HMGB1: variants seen among roughly 807,000 people sequenced by gnomAD.
HMGB1 encodes the protein high mobility group protein B1.
For synonymous variants in HMGB1, 81 were observed against 84.0 expected (o/e 0.96, Z 0.19); for missense variants, 79 against 253.5 (o/e 0.31, Z 4.67).
chr13:30,538,498 C>CTTTA (rs1229120069), intron 1 of HMGB1, among the ~76,000 whole-genome samples: 18 of 15,840 alleles, frequency 1.1e-3, no homozygotes, highest in Admixed American at 2.1e-3. Flanking sequence ...TTCTTTCTTT[C>CTTTA]TTTCTTTCTT....
At chr13:30,532,480 T>C (rs1039894730) in intron 1 of HMGB1, among the ~76,000 whole-genome samples, 2 of 152,146 alleles carry the variant, frequency 1.3e-5, no homozygotes, top group African/African-American at 4.8e-5. Flanking sequence ...TATTGCTATG[T>C]CATAATTAAA....
In HMGB1 at chr13:30,537,636, T is replaced by G. The variant is rs891125837; in HGVS notation, c.-14-73942A>C. ...CCCACGTCGCTGCATGTGGTGGCAA[T>G]TCATTCATTCTTGTTCATATATATA... On this transcript the variant is annotated intron_variant, in intron 1 of 4. Coordinates refer to the HMGB1 transcript ENST00000405805. 2.3e-4 allele frequency among the ~76,000 whole-genome samples: 32 copies of G among 138,322 alleles called. 3 individuals carry two copies. In the South Asian group the frequency reaches 7.0e-3, roughly 30 times the overall value. The allele number at this position is 138,322 out of a possible 152,430, so 90.7% of individuals were successfully genotyped here. A position where few individuals can be genotyped will look rare whatever the true frequency, so the allele number is the denominator to read the frequency against.
chr13:30,594,461 C>G (rs917086724), intron 1 of HMGB1, among the ~76,000 whole-genome samples: 1 of 152,198 alleles, frequency 6.6e-6, no homozygotes, highest in Admixed American at 6.5e-5. Context: ...CTCCCACTTA[C>G]AAGTGAGAGC....
intron 1 of HMGB1, among the ~76,000 whole-genome samples, chr13:30,580,680 G>T (rs958763168): frequency 2.6e-5 from 4 of 152,078 alleles, no homozygotes; most frequent in Admixed American, 1.3e-4. Flanking sequence ...AAGGATATTC[G>T]CAGGAGACAA....
Position 30,461,992 on chromosome 13 carries a change from AAC to A in HMGB1, c.472-461_472-460del, listed in dbSNP as rs1377978043. Among the ~76,000 whole-genome samples the A allele has an allele frequency of 6.6e-5, 10 of 152,334 alleles. 1 individual carries two copies. The South Asian group carries it at 1.9e-3, about 28-fold the overall frequency. On this transcript the variant is annotated intron_variant, in intron 4 of 4. Coordinates refer to ENST00000341423, the MANE Select transcript of HMGB1 (RefSeq NM_002128.7). ...TTAGGTTAAGAAACATCTAGAAATA[AAC>A]ACTTTTCAGAATGACTAAAGCTGAA...
intron 1 of HMGB1, among the ~76,000 whole-genome samples, chr13:30,555,047 T>G (rs975292824): frequency 7.2e-6 from 1 of 138,670 alleles, no homozygotes; most frequent in Non-Finnish European, 1.6e-5. Flanking sequence ...TTTTTTTTTT[T>G]TTTTTTTTTT....
Position 30,511,851 on chromosome 13 carries a change from T to A in HMGB1, c.-14-48157A>T, listed in dbSNP as rs569625393. Among the ~76,000 whole-genome samples the A allele has an allele frequency of 8.5e-5, 13 of 152,260 alleles. No individual in the cohort carries two copies. In the East Asian group the frequency reaches 2.5e-3, roughly 29 times the overall value. On this transcript the variant is annotated intron_variant, in intron 1 of 4. Coordinates refer to the HMGB1 transcript ENST00000405805. ...ACACACCTCTAGAGGTTCCCTACTA[T>A]TCAGAGGACAAGTCATAATCTCCTT...
At chr13:30,579,777 T>C (rs1486776335) in intron 1 of HMGB1, among the ~76,000 whole-genome samples, 2 of 152,264 alleles carry the variant, frequency 1.3e-5, no homozygotes, top group African/African-American at 2.4e-5. Context: ...ACCTGGCACA[T>C]AAGAGAGTTA....
chr13:30,483,570 T>A (rs1234993205), intron 1 of HMGB1, among the ~76,000 whole-genome samples: 1 of 151,672 alleles, frequency 6.6e-6, no homozygotes, highest in Admixed American at 6.6e-5. Flanking sequence ...TCTGCTTAAA[T>A]AATTCCTGCA....
chr13:30,562,559 T>C (rs1420973687), intron 1 of HMGB1, among the ~76,000 whole-genome samples: 1 of 152,222 alleles, frequency 6.6e-6, no homozygotes, highest in Non-Finnish European at 1.5e-5. Context: ...CAGAAGTTTA[T>C]ATAGTGACAA....
rs189877794 is a variant in HMGB1 at position 30,585,987 on chromosome 13, A to T, written c.-15+30684T>A. 2.4e-3 allele frequency among the ~76,000 whole-genome samples: 369 copies of T among 152,222 alleles called. 2 individuals carry two copies. Among genetic ancestry groups the T allele is most frequent in the Non-Finnish European group, 4.1e-3 (277 of 68,008 alleles). On this transcript the variant is annotated intron_variant, in intron 1 of 4. Transcript: ENST00000405805. Reference sequence around the variant, plus strand: ...CTGGCATCGGTTCTCAGTACTCTCCACTAAAACTGCTTTTATGAAGGCCAT... The same window carrying T: ...CTGGCATCGGTTCTCAGTACTCTCCTCTAAAACTGCTTTTATGAAGGCCAT...
At chr13:30,522,976 A>G (rs2137476694) in intron 1 of HMGB1, among the ~76,000 whole-genome samples, 1 of 152,324 alleles carries the variant, frequency 6.6e-6, no homozygotes. Context: ...GGCCTCCCAA[A>G]GTGTTGGGAT....
chr13:30,536,887 C>G (rs1050013633), intron 1 of HMGB1, among the ~76,000 whole-genome samples: 32 of 152,144 alleles, frequency 2.1e-4, no homozygotes, highest in South Asian at 1.5e-3. Context: ...TGGCAGCATC[C>G]TCGATCCTGC....
At chr13:30,558,882 C>T (rs1202711428) in intron 1 of HMGB1, among the ~76,000 whole-genome samples, 1 of 152,146 alleles carries the variant, frequency 6.6e-6, no homozygotes, top group Non-Finnish European at 1.5e-5. Context: ...TTTCACAAGC[C>T]TCCAAGGGAT....
upstream of HMGB1, among the ~76,000 whole-genome samples, chr13:30,467,720 A>G (rs955229736): frequency 3.3e-5 from 5 of 152,234 alleles, no homozygotes; most frequent in Non-Finnish European, 7.3e-5. Flanking sequence ...CTCATATTAC[A>G]AAATATTCAT....
intron 1 of HMGB1, among the ~76,000 whole-genome samples, chr13:30,487,813 T>C (rs1273280635): frequency 6.6e-6 from 1 of 152,212 alleles, no homozygotes; most frequent in African/African-American, 2.4e-5. Flanking sequence ...CACCAGCTAC[T>C]ATGGCAGGGA....
chr13:30,523,754 T>C (rs77468454), intron 1 of HMGB1, among the ~76,000 whole-genome samples: 1 of 34,426 alleles, frequency 2.9e-5, no homozygotes, highest in African/African-American at 7.0e-5. Flanking sequence ...TTTTTTTGTT[T>C]GTTTGAGATG....
chr13:30,553,740 G>C lies in HMGB1; in HGVS notation c.-15+62931C>G, dbSNP rs1173059612. 4 of 1,350,672 alleles carry C rather than the reference G, an allele frequency of 3.0e-6. No homozygotes were observed. In the East Asian group the frequency reaches 9.3e-5, roughly 31 times the overall value. 83.7% of individuals were successfully genotyped at this position (1,350,672 alleles called of 1,614,324 possible). A position where few individuals can be genotyped will look rare whatever the true frequency, so the allele number is the denominator to read the frequency against. The stretch of plus-strand genomic sequence containing the variant: ...GCATCGCTGGCAGCTGCCGTACTTG[G>C]AAATTCGAAATGAGTCCCATGACTA... On this transcript the variant is annotated intron_variant, in intron 1 of 4. Coordinates refer to the HMGB1 transcript ENST00000405805.
intron 1 of HMGB1, among the ~76,000 whole-genome samples, chr13:30,578,782 T>C (rs1480723561): frequency 6.6e-6 from 1 of 152,222 alleles, no homozygotes; most frequent in Non-Finnish European, 1.5e-5. Flanking sequence ...AACTTCTTTC[T>C]TACTGTTGCT....
Sources: gnomAD v4.1 joint callset for allele counts (sites outside exome capture counted in the v4.1 genomes callset) on GRCh38, gnomAD v4.1.1 for gene constraint, MANE v1.5 for transcripts, NCBI Gene and HGNC (gene_info 2026-07-23, HGNC 2026-07-21) for gene names.